Variants in NRXN3 observed in about 807,000 individuals in gnomAD.
NRXN3 encodes neurexin 3, also known as neurexin III.
A neutral mutation model predicts 137.6 loss-of-function variants in NRXN3; 32 were observed. The ratio of observed to expected loss-of-function variants is 0.23; its 90% CI spans 0.18 to 0.31. The LOEUF (loss-of-function observed/expected upper bound fraction) is 0.31. Ranked by LOEUF, NRXN3 falls within the 10% of genes least tolerant of loss-of-function variation. NRXN3 has a pLI of 1.00. For synonymous variants in NRXN3, 798 were observed against 784.5 expected (o/e 1.02, Z -0.29); for missense variants, 1,574 against 2,062.5 (o/e 0.76, Z 4.59).
At chr14:79,006,034 G>T (rs958410118) in intron 15 of NRXN3, among the ~76,000 whole-genome samples, 1 of 152,052 alleles carries the variant, frequency 6.6e-6, no homozygotes, top group African/African-American at 2.4e-5. Context: ...AACCTACATA[G>T]GATTTGCAGG....
rs545330730 is a variant in NRXN3, at chr14:79,441,990, C to T, written c.3263-25231C>T. 2.6e-5 allele frequency among the ~76,000 whole-genome samples: 4 copies of T among 152,092 alleles called. No individual in the cohort carries two copies. The East Asian group carries it at 7.8e-4, about 29-fold the overall frequency. On this transcript the variant is annotated intron_variant, in intron 15 of 20. Coordinates refer to ENST00000335750, the MANE Select transcript of NRXN3 (RefSeq NM_001330195.2). ...CTCTCCCATGCTTTTCTCATTTCTT[C>T]TCCTCATTCTAGGTGAGTATAGGAA...
intron 15 of NRXN3, among the ~76,000 whole-genome samples, chr14:79,000,160 A>G (rs1004997611): frequency 6.6e-6 from 1 of 152,092 alleles, no homozygotes; most frequent in African/African-American, 2.4e-5. Flanking sequence ...TTTCCTGGTA[A>G]ATTAACTACA....
intron 10 of NRXN3, among the ~76,000 whole-genome samples, chr14:78,932,972 G>A (rs750805049): frequency 2.6e-5 from 4 of 152,296 alleles, no homozygotes; most frequent in Middle Eastern, 3.4e-3. Flanking sequence ...ACCTAGGTGT[G>A]TGGCAGGAAG....
intron 15 of NRXN3, among the ~76,000 whole-genome samples, chr14:79,292,422 T>C (rs2083355384): frequency 6.6e-6 from 1 of 152,194 alleles, no homozygotes; most frequent in Non-Finnish European, 1.5e-5. Flanking sequence ...ACGATAGGCT[T>C]TCTCCCCAAC....
intron 17 of NRXN3, among the ~76,000 whole-genome samples, chr14:79,678,349 A>C (rs1269092549): frequency 2.0e-5 from 3 of 152,144 alleles, no homozygotes; most frequent in Non-Finnish European, 4.4e-5. Context: ...TCTCCTCTAA[A>C]AGTATTCATT....
At position 78,509,510 on chromosome 14, in the gene NRXN3, T is replaced by C. The variant is rs190726993; in HGVS notation, c.758-135610T>C. Among the ~76,000 whole-genome samples the C allele has an allele frequency of 1.4e-4, 21 of 152,238 alleles. No homozygotes were observed. In the East Asian group the frequency reaches 3.9e-3, roughly 28 times the overall value. On this transcript the variant is annotated intron_variant, in intron 4 of 20. Coordinates refer to ENST00000335750, the MANE Select transcript of NRXN3 (RefSeq NM_001330195.2). ...AATCATTTTTCTCTTTGCCACACAA[T>C]GGAACTCTGCGATTTGGCCCTTCAC...
intron 4 of NRXN3, among the ~76,000 whole-genome samples, chr14:78,530,061 A>G (rs1275753777): frequency 1.3e-5 from 2 of 152,228 alleles, no homozygotes; most frequent in Non-Finnish European, 2.9e-5. Context: ...GGAATTTTCA[A>G]TGTGGCCAAA....
chr14:79,349,713 A>G (rs1599007870), intron 15 of NRXN3, among the ~76,000 whole-genome samples: 2 of 150,274 alleles, frequency 1.3e-5, no homozygotes, highest in East Asian at 3.9e-4. Context: ...GTTTGGAAAC[A>G]GTCTTAACAG....
At chr14:79,683,939 T>A (rs2098683174) in intron 17 of NRXN3, among the ~76,000 whole-genome samples, 1 of 152,170 alleles carries the variant, frequency 6.6e-6, no homozygotes, top group Non-Finnish European at 1.5e-5. Context: ...CTCTGTAGAA[T>A]CAAGTCACTA....
intron 10 of NRXN3, among the ~76,000 whole-genome samples, chr14:78,896,848 C>T (rs181088935): frequency 4.9e-4 from 75 of 151,884 alleles, no homozygotes; most frequent in Admixed American, 2.8e-3. Context: ...ATGGAGATGA[C>T]GGGAAATGGT....
chr14:79,677,465 G>T (rs1330668946), intron 17 of NRXN3, among the ~76,000 whole-genome samples: 1 of 151,930 alleles, frequency 6.6e-6, no homozygotes, highest in African/African-American at 2.4e-5. Context: ...ATGTCTTTAG[G>T]TTTACAAAAT....
At chr14:78,884,744 G>A (rs2099138456) in intron 10 of NRXN3, among the ~76,000 whole-genome samples, 1 of 152,132 alleles carries the variant, frequency 6.6e-6, no homozygotes, top group Admixed American at 6.6e-5. Flanking sequence ...TAGTGAAGTG[G>A]TGAAGGGAAA....
intron 4 of NRXN3, among the ~76,000 whole-genome samples, chr14:78,479,117 C>G (rs775658316): frequency 7.9e-5 from 12 of 152,320 alleles, no homozygotes; most frequent in African/African-American, 2.4e-4. Context: ...TATTATTGCT[C>G]TAAGTCAGTT....
At chr14:78,709,823 A>T in intron 7 of NRXN3, 168 bp downstream of exon 7, 2 of 630,070 alleles carry the variant, frequency 3.2e-6, no homozygotes, top group Non-Finnish European at 5.4e-6. Context: ...TACCTGTCTC[A>T]TAGATGGCTC....
chr14:78,478,915 T>G (rs1460351623), intron 4 of NRXN3, among the ~76,000 whole-genome samples: 3 of 152,082 alleles, frequency 2.0e-5, no homozygotes, highest in African/African-American at 7.2e-5. Context: ...GATGTGTCTC[T>G]TTTTTTTCCA....
intron 10 of NRXN3, among the ~76,000 whole-genome samples, chr14:78,874,929 G>C (rs2099110288): frequency 6.6e-6 from 1 of 152,234 alleles, no homozygotes; most frequent in South Asian, 2.1e-4. Context: ...CCGAGAGTGA[G>C]AATCCATCAA....
chr14:78,488,696 TGAA>T (rs2095608858), intron 4 of NRXN3, among the ~76,000 whole-genome samples: 2 of 134,632 alleles, frequency 1.5e-5, no homozygotes, highest in Admixed American at 1.6e-4. Context: ...GGAAGAAAGA[TGAA>T]AGAAAGAGGG....
chr14:78,848,736 C>T (rs771382249), intron 10 of NRXN3, among the ~76,000 whole-genome samples: 5 of 152,020 alleles, frequency 3.3e-5, no homozygotes, highest in African/African-American at 9.7e-5. Flanking sequence ...ATTCAGATCT[C>T]GAGAATATTT....
chr14:78,333,389 A>T (rs1168126468), intron 4 of NRXN3, among the ~76,000 whole-genome samples: 1 of 152,200 alleles, frequency 6.6e-6, no homozygotes, highest in Non-Finnish European at 1.5e-5. Context: ...GGAATTGAGG[A>T]TGTATCAGAG....
Sources: gnomAD v4.1 joint callset for allele counts (sites outside exome capture counted in the v4.1 genomes callset) on GRCh38, gnomAD v4.1.1 for gene constraint, MANE v1.5 for transcripts, NCBI Gene and HGNC (gene_info 2026-07-23, HGNC 2026-07-21) for gene names.